LEPROTL1: variants seen among roughly 807,000 people sequenced by gnomAD.
LEPROTL1 encodes the protein leptin receptor overlapping transcript-like 1.
A neutral mutation model predicts 15.4 loss-of-function variants in LEPROTL1; 6 were observed. The ratio of observed to expected loss-of-function variants is 0.39; its 90% CI spans 0.21 to 0.77. LEPROTL1 has a LOEUF of 0.77. Among genes scored for constraint, LEPROTL1 ranks in the 30% least tolerant of loss-of-function variants. The pLI is 0.41. For missense variants in LEPROTL1, 128 were observed against 158.1 expected (o/e 0.81, Z 1.02); for synonymous variants, 56 against 52.6 (o/e 1.06, Z -0.28).
chr8:30,133,665 G>A (rs1034898229), intron 4 of LEPROTL1, among the ~76,000 whole-genome samples: 1 of 151,874 alleles, frequency 6.6e-6, no homozygotes, highest in African/African-American at 2.4e-5. Context: ...GCTGGGTGCA[G>A]TGGGTCCCAT....
chr8:30,115,575 C>G (rs1420627238), intron 3 of LEPROTL1, among the ~76,000 whole-genome samples: 3 of 68,286 alleles, frequency 4.4e-5, no homozygotes, highest in Non-Finnish European at 7.9e-5. Flanking sequence ...TTTGTAGAGA[C>G]GGGGTTTCAC....
intron 4 of LEPROTL1, among the ~76,000 whole-genome samples, chr8:30,136,791 C>T (rs117307702): frequency 0.013 from 1,932 of 149,530 alleles, 38 homozygotes; most frequent in East Asian, 0.07. Context: ...TGCAGTGATG[C>T]GATCTCCTGT....
At chr8:30,110,617 C>T (rs1802641667), downstream of LEPROTL1, among the ~76,000 whole-genome samples, 2 of 151,806 alleles carry the variant, frequency 1.3e-5, no homozygotes, top group African/African-American at 4.8e-5. Flanking sequence ...GCCTGTAGTC[C>T]CAGCTACTTG....
intron 3 of LEPROTL1, among the ~76,000 whole-genome samples, chr8:30,117,062 T>G (rs533267191): frequency 2.1e-3 from 317 of 151,388 alleles, no homozygotes; most frequent in African/African-American, 4.3e-3. Flanking sequence ...GAAAAAAATG[T>G]TTTTTTTTCC....
At chr8:30,119,407 A>G in intron 3 of LEPROTL1, among the ~76,000 whole-genome samples, 1 of 152,214 alleles carries the variant, frequency 6.6e-6, no homozygotes, top group East Asian at 1.9e-4. Flanking sequence ...ATTGGCTTGC[A>G]GATGGCCCAT....
At chr8:30,117,033 G>A (rs773607204) in intron 3 of LEPROTL1, among the ~76,000 whole-genome samples, 12 of 152,188 alleles carry the variant, frequency 7.9e-5, no homozygotes, top group Non-Finnish European at 1.3e-4. Context: ...CAGAAGTATT[G>A]AGAGATGTGT....
chr8:30,124,497 A>C (rs1302258037), intron 3 of LEPROTL1, among the ~76,000 whole-genome samples: 1 of 152,202 alleles, frequency 6.6e-6, no homozygotes, highest in Non-Finnish European at 1.5e-5. Context: ...ATCTGTGAAT[A>C]TCTCTAAAAT....
chr8:30,098,445 T>G (rs1264172326), intron 1 of LEPROTL1, among the ~76,000 whole-genome samples: 1 of 152,196 alleles, frequency 6.6e-6, no homozygotes, highest in Non-Finnish European at 1.5e-5. Flanking sequence ...AATGTTGGCT[T>G]TAGTATATGG....
chr8:30,119,753 G>GT (rs1004003574), intron 3 of LEPROTL1, among the ~76,000 whole-genome samples: 1 of 152,116 alleles, frequency 6.6e-6, no homozygotes, highest in African/African-American at 2.4e-5. Context: ...AATATGGAGA[G>GT]TTTTTTCGTG....
rs574198839 is a variant in LEPROTL1 at position 30,118,059 on chromosome 8, C to G, written c.279+13573C>G. The stretch of plus-strand genomic sequence containing the variant: ...TTTTTTTTTGAGACAGAGTCTCGCT[C>G]TGTCTTCCAGGCTGCAGAGCAGTGG... On this transcript the variant is annotated intron_variant, in intron 3 of 4. Coordinates refer to the LEPROTL1 transcript ENST00000442880. Among the ~76,000 whole-genome samples, 3 of 124,844 alleles carry G rather than the reference C, an allele frequency of 2.4e-5. No individual in the cohort carries two copies. In the Admixed American group the frequency reaches 2.9e-4, roughly 12 times the overall value. 81.9% of individuals were successfully genotyped at this position (124,844 alleles called of 152,430 possible). A position where few individuals can be genotyped will look rare whatever the true frequency, so the allele number is the denominator to read the frequency against.
chr8:30,101,877 C>T, intron 1 of LEPROTL1, 21 bp from the exon 2 acceptor site: 1 of 1,470,930 alleles, frequency 6.8e-7, no homozygotes. Context: ...ATTCCTGTTG[C>T]ACTTTTTATT....
At chr8:30,113,377 A>G (rs1802683956), downstream of LEPROTL1, among the ~76,000 whole-genome samples, 1 of 152,156 alleles carries the variant, frequency 6.6e-6, no homozygotes, top group Non-Finnish European at 1.5e-5. Flanking sequence ...GAAAACGAAA[A>G]CATACGGGAT....
intron 4 of LEPROTL1, among the ~76,000 whole-genome samples, chr8:30,136,649 C>T (rs772435263): frequency 1.2e-4 from 19 of 152,140 alleles, no homozygotes; most frequent in Non-Finnish European, 1.9e-4. Flanking sequence ...GTACTTCCTA[C>T]GCCCCACCCA....
At chr8:30,099,697 G>A (rs1802432240) in intron 1 of LEPROTL1, among the ~76,000 whole-genome samples, 1 of 151,818 alleles carries the variant, frequency 6.6e-6, no homozygotes, top group Non-Finnish European at 1.5e-5. Context: ...GAGGAAAGTA[G>A]AGAGGAGTGG....
intron 3 of LEPROTL1, chr8:30,117,824 T>C (rs2117508432): frequency 1.5e-6 from 1 of 650,210 alleles, no homozygotes; most frequent in African/African-American, 1.8e-5. Context: ...GAGACCCTGT[T>C]TCTATAAAAA....
At chr8:30,136,589 C>T (rs1456672626) in intron 4 of LEPROTL1, among the ~76,000 whole-genome samples, 3 of 152,202 alleles carry the variant, frequency 2.0e-5, no homozygotes, top group Non-Finnish European at 4.4e-5. Flanking sequence ...CTCCCAGCCC[C>T]ATCAGGCCCC....
At chr8:30,135,904 A>C (rs1803128717) in intron 4 of LEPROTL1, among the ~76,000 whole-genome samples, 1 of 114,560 alleles carries the variant, frequency 8.7e-6, no homozygotes, top group South Asian at 3.2e-4. Context: ...ACAGAGTGAG[A>C]CCTTGTCTGA....
intron 3 of LEPROTL1, chr8:30,117,721 C>G: frequency 8.7e-7 from 1 of 1,149,192 alleles, no homozygotes; most frequent in South Asian, 1.2e-5. Context: ...GCGTTTGCCT[C>G]TCTTTTCGGC....
chr8:30,113,386 A>G (rs983356689), downstream of LEPROTL1, among the ~76,000 whole-genome samples: 2 of 152,318 alleles, frequency 1.3e-5, no homozygotes. Flanking sequence ...AACATACGGG[A>G]TCGTATTGAA....
Sources: allele counts gnomAD v4.1 joint callset (sites outside exome capture counted in the v4.1 genomes callset), GRCh38; gene constraint gnomAD v4.1.1; transcripts MANE v1.5; gene names NCBI Gene and HGNC (gene_info 2026-07-23, HGNC 2026-07-21).